MALT1: variants seen among roughly 807,000 people sequenced by gnomAD.
The protein encoded by MALT1 is MALT1 paracaspase, also known as mucosa-associated lymphoid tissue lymphoma translocation protein 1.
In MALT1, 36 loss-of-function variants were observed where a neutral mutation model predicts 85.5. That is an observed-to-expected ratio of 0.42 (90% CI 0.32 to 0.56). The LOEUF (loss-of-function observed/expected upper bound fraction) is 0.56, where lower values mean the gene tolerates loss of function less well. Among genes scored for constraint, MALT1 ranks in the 20% least tolerant of loss-of-function variants. MALT1 has a pLI of 0.10. For missense variants in MALT1, 716 were observed against 981.6 expected (o/e 0.73, Z 3.62); for synonymous variants, 359 against 361.3 (o/e 0.99, Z 0.07).
chr18:58,715,346 A>C (rs1372768203), intron 8 of MALT1, among the ~76,000 whole-genome samples: 3 of 152,298 alleles, frequency 2.0e-5, no homozygotes, highest in African/African-American at 7.2e-5. Flanking sequence ...ATTTAGGTTT[A>C]AAAGAAGAAT....
intron 3 of MALT1, among the ~76,000 whole-genome samples, chr18:58,696,999 A>G (rs1478199332): frequency 1.3e-5 from 2 of 152,230 alleles, no homozygotes; most frequent in Non-Finnish European, 1.5e-5. Context: ...GGATCCCTGC[A>G]GCACCCAACA....
At chr18:58,702,116 G>A (rs746880301) in intron 4 of MALT1, among the ~76,000 whole-genome samples, 1 of 150,920 alleles carries the variant, frequency 6.6e-6, no homozygotes, top group African/African-American at 2.4e-5. Flanking sequence ...TGTAATCCCA[G>A]TACTTTGGGA....
chr18:58,732,516 A>G (rs2055164800), intron 10 of MALT1, among the ~76,000 whole-genome samples: 1 of 152,196 alleles, frequency 6.6e-6, no homozygotes, highest in Admixed American at 6.5e-5. Context: ...CAGATTTCCC[A>G]TCTCTGATTA....
At chr18:58,737,656 T>C (rs2055242693) in intron 13 of MALT1, among the ~76,000 whole-genome samples, 1 of 152,158 alleles carries the variant, frequency 6.6e-6, no homozygotes, top group Admixed American at 6.5e-5. Context: ...GATCTTGGCT[T>C]ACTGCAACGT....
chr18:58,673,279 T>C (rs765946613), intron 1 of MALT1, among the ~76,000 whole-genome samples: 2 of 152,248 alleles, frequency 1.3e-5, no homozygotes, highest in Non-Finnish European at 2.9e-5. Flanking sequence ...TAAGGGTTTA[T>C]CCAGGAATGG....
At position 58,748,121 on chromosome 18, in the gene MALT1, G is replaced by C. The variant is rs1347552111; in HGVS notation, c.*279G>C. On this transcript the variant is annotated 3_prime_UTR_variant, in exon 17 of 17. Transcript: ENST00000649217. ...GTATATAACAAAATATTTTCATTGT[G>C]ACCACTCTGAAGTAAGAGCAATGGG... 1 of 374,596 alleles carries C rather than the reference G, an allele frequency of 2.7e-6. No homozygotes were observed. Among genetic ancestry groups the C allele is most frequent in the Admixed American group, 4.5e-5 (1 of 22,414 alleles). The allele number at this position is 374,596 out of a possible 1,614,324, so 23.2% of individuals were successfully genotyped here.
Position 58,742,002 on chromosome 18 carries a change from G to GC in MALT1, c.1743dup (p.Lys582GlnfsTer4), listed in dbSNP as rs777015906. ...ATCTCTTGTGCGGAATCTACAGTGG[G>GC]CCAAGGCTCATGGTACGGTAAAGCC... On this transcript the variant is annotated frameshift_variant, in exon 14 of 17. Transcript: ENST00000649217. LOFTEE classifies it high-confidence loss of function. The GC allele has an allele frequency of 6.5e-7, 1 of 1,529,188 alleles. No homozygotes were observed. Among genetic ancestry groups the GC allele is most frequent in the African/African-American group, 1.3e-5 (1 of 74,168 alleles). 94.7% of individuals were successfully genotyped at this position (1,529,188 alleles called of 1,614,324 possible). A position where few individuals can be genotyped will look rare whatever the true frequency, so the allele number is the denominator to read the frequency against.
rs537983658 is a variant in MALT1 at position 58,675,668 on chromosome 18, G to A, written c.209+3816G>A. Among the ~76,000 whole-genome samples, 7 of 152,326 alleles carry A rather than the reference G, an allele frequency of 4.6e-5. No individual in the cohort carries two copies. The East Asian group carries it at 5.8e-4, about 13-fold the overall frequency. On this transcript the variant is annotated intron_variant, in intron 1 of 16. Coordinates refer to ENST00000649217, the MANE Select transcript of MALT1 (RefSeq NM_006785.4). Reference sequence around the variant, plus strand: ...GGTATTGTCAACCTCCAGCATGGTCGACAGAGAAGACCTTGTCTCTAAAAC... The same window carrying A: ...GGTATTGTCAACCTCCAGCATGGTCAACAGAGAAGACCTTGTCTCTAAAAC...
At position 58,744,456 on chromosome 18, in the gene MALT1, GATA is replaced by G. The variant is rs1186512858; in HGVS notation, c.1878_1880del (p.Ile626del). The G allele has an allele frequency of 1.9e-6, 3 of 1,607,064 alleles. No homozygotes were observed. Among genetic ancestry groups the G allele is most frequent in the Non-Finnish European group, 1.7e-6 (2 of 1,176,136 alleles). On this transcript the variant is annotated inframe_deletion, in exon 15 of 17. Coordinates refer to ENST00000649217, the MANE Select transcript of MALT1 (RefSeq NM_006785.4). ...CAAGTATAGTTTACAAACCACCGGA[GATA>G]ATAATGTGTGATGCCTACGTTACTG...
At chr18:58,743,370 C>T (rs1352807742) in intron 14 of MALT1, among the ~76,000 whole-genome samples, 6 of 152,258 alleles carry the variant, frequency 3.9e-5, no homozygotes, top group African/African-American at 1.2e-4. Flanking sequence ...GAGCAAAACT[C>T]AGTCTCAAAA....
chr18:58,733,772 G>A, intron 11 of MALT1, 198 bp downstream of exon 11: 1 of 732,884 alleles, frequency 1.4e-6, no homozygotes, highest in Non-Finnish European at 2.0e-6. Context: ...ATTTGCTATA[G>A]AACACAAATG....
intron 3 of MALT1, chr18:58,697,068 G>C (rs1314280979): frequency 6.6e-6 from 1 of 152,080 alleles, no homozygotes; most frequent in Non-Finnish European, 1.5e-5. Context: ...GAGCCATCTT[G>C]CACTGGGGAT....
intron 13 of MALT1, among the ~76,000 whole-genome samples, chr18:58,737,705 C>T (rs1359315553): frequency 6.6e-6 from 1 of 152,108 alleles, no homozygotes; most frequent in Non-Finnish European, 1.5e-5. Flanking sequence ...GCCGCAGCCT[C>T]CCAAGTAGCT....
At chr18:58,718,859 G>T (rs1213111222) in intron 9 of MALT1, among the ~76,000 whole-genome samples, 1 of 152,142 alleles carries the variant, frequency 6.6e-6, no homozygotes, top group Non-Finnish European at 1.5e-5. Flanking sequence ...CCAAGGTGAG[G>T]ATTTTCAAGG....
intron 10 of MALT1, 67 bp downstream of exon 10, chr18:58,723,318 A>G (rs958653056): frequency 7.9e-7 from 1 of 1,259,918 alleles, no homozygotes; most frequent in Non-Finnish European, 1.1e-6. Flanking sequence ...AGTTAGGTTA[A>G]GAATTGAAAA....
In MALT1 at chr18:58,698,491, CAG is replaced by C. The variant is rs544763037; in HGVS notation, c.499-1949_499-1948del. ...AGCGTGGAGAAGAGAAGGTGGATCACAGTGCATAATTCAGTGTATATTTTAGA... is the reference window on the plus strand; with the variant it reads ...AGCGTGGAGAAGAGAAGGTGGATCACTGCATAATTCAGTGTATATTTTAGA... On this transcript the variant is annotated intron_variant, in intron 3 of 16. Transcript: ENST00000649217. Among the ~76,000 whole-genome samples, 27 of 152,236 alleles carry C rather than the reference CAG, an allele frequency of 1.8e-4. 1 individual carries two copies. The South Asian group carries it at 5.2e-3, about 29-fold the overall frequency.
chr18:58,735,462 C>G, intron 13 of MALT1, 133 bp downstream of exon 13: 1 of 835,806 alleles, frequency 1.2e-6, no homozygotes, highest in Non-Finnish European at 1.7e-6. Flanking sequence ...CTTTATAAAA[C>G]AATTTTTATA....
At chr18:58,689,273 A>G (rs2054459250) in intron 2 of MALT1, among the ~76,000 whole-genome samples, 1 of 151,376 alleles carries the variant, frequency 6.6e-6, no homozygotes, top group Non-Finnish European at 1.5e-5. Context: ...AAAAAAAAAA[A>G]GTCTCAGAGA....
At position 58,688,769 on chromosome 18, in the gene MALT1, G is replaced by A. The variant is rs190492236; in HGVS notation, c.376+7433G>A. 2.0e-3 allele frequency among the ~76,000 whole-genome samples: 303 copies of A among 152,160 alleles called. 5 individuals carry two copies. The highest frequency in any genetic ancestry group is 0.018 in the Admixed American group (278 of 15,276). Reference sequence around the variant, plus strand: ...TGGTATATTCATGAGCCGTGTCCTGGTGTGGGATTGCTCTTTGTGTGATAC... The same window carrying A: ...TGGTATATTCATGAGCCGTGTCCTGATGTGGGATTGCTCTTTGTGTGATAC... On this transcript the variant is annotated intron_variant, in intron 2 of 16. Transcript: ENST00000649217.
Sources: allele counts gnomAD v4.1 joint callset (sites outside exome capture counted in the v4.1 genomes callset), GRCh38; gene constraint gnomAD v4.1.1; transcripts MANE v1.5; gene names NCBI Gene and HGNC (gene_info 2026-07-23, HGNC 2026-07-21).